The following ZC3HAV1 variants were observed in gnomAD, a reference collection of about 807,000 sequenced individuals.
ZC3HAV1 encodes the protein zinc finger CCCH-type antiviral protein 1.
A neutral mutation model predicts 86.6 loss-of-function variants in ZC3HAV1; 41 were observed. The observed-to-expected ratio is 0.47, with a 90% CI of 0.37 to 0.61. The LOEUF (loss-of-function observed/expected upper bound fraction) is 0.61. ZC3HAV1 is among the 20% of genes least tolerant of loss of function. The probability of loss-of-function intolerance (pLI) is 0.00; values close to 1 mark genes in which losing one functional copy is unlikely to be tolerated. For missense variants in ZC3HAV1, 964 were observed against 1,141.1 expected (o/e 0.84, Z 2.24); for synonymous variants, 421 against 432.1 (o/e 0.97, Z 0.32).
chr7:139,050,439 C>T (rs1816090122), intron 12 of ZC3HAV1, among the ~76,000 whole-genome samples: 1 of 152,134 alleles, frequency 6.6e-6, no homozygotes, highest in South Asian at 2.1e-4. Context: ...AGGATCTCAG[C>T]TCACTGCAGC....
At chr7:139,078,294 G>T (rs1475320291) in intron 5 of ZC3HAV1, among the ~76,000 whole-genome samples, 2 of 152,138 alleles carry the variant, frequency 1.3e-5, no homozygotes, top group Non-Finnish European at 2.9e-5. Flanking sequence ...AAGTGTTGGT[G>T]AGGATGTGGA....
chr7:139,081,321 T>A (rs1456280085), intron 3 of ZC3HAV1, among the ~76,000 whole-genome samples: 1 of 151,786 alleles, frequency 6.6e-6, no homozygotes, highest in Non-Finnish European at 1.5e-5. Context: ...AGAAGAGACA[T>A]TTTTTTTCTC....
chr7:139,088,538 C>T (rs983341847), intron 2 of ZC3HAV1, among the ~76,000 whole-genome samples: 11 of 152,124 alleles, frequency 7.2e-5, no homozygotes, highest in African/African-American at 1.7e-4. Flanking sequence ...TACACAGAGA[C>T]GGAAGCCACA....
chr7:139,104,552 A>G (rs1369888480), intron 1 of ZC3HAV1, among the ~76,000 whole-genome samples: 2 of 151,424 alleles, frequency 1.3e-5, no homozygotes, highest in South Asian at 2.1e-4. Flanking sequence ...CGTCTCTACT[A>G]AAATACAAAA....
intron 8 of ZC3HAV1, 122 bp downstream of exon 8, chr7:139,064,757 C>T (rs1816547482): frequency 1.3e-6 from 2 of 1,512,628 alleles, no homozygotes; most frequent in Admixed American, 1.9e-5. Context: ...CACTCCACCG[C>T]CTTGCTAAAT....
chr7:139,083,250 G>T (rs535754281), intron 3 of ZC3HAV1, among the ~76,000 whole-genome samples: 7 of 145,820 alleles, frequency 4.8e-5, no homozygotes, highest in Admixed American at 4.1e-4. Flanking sequence ...AAACCTGGGG[G>T]GGGGGGCAAT....
At chr7:139,057,886 AAAG>A (rs1208909646) in intron 9 of ZC3HAV1, among the ~76,000 whole-genome samples, 1 of 152,184 alleles carries the variant, frequency 6.6e-6, no homozygotes, top group African/African-American at 2.4e-5. Context: ...AAAACTCTTT[AAAG>A]AAGAAGGTGA....
At chr7:139,107,006 G>A in intron 1 of ZC3HAV1, among the ~76,000 whole-genome samples, 1 of 151,542 alleles carries the variant, frequency 6.6e-6, no homozygotes, top group East Asian at 1.9e-4. Flanking sequence ...TCCATAGTAA[G>A]AAATAAAAAA....
At chr7:139,098,234 C>T (rs138543932) in intron 1 of ZC3HAV1, among the ~76,000 whole-genome samples, 2 of 152,168 alleles carry the variant, frequency 1.3e-5, no homozygotes, top group East Asian at 1.9e-4. Context: ...CCATGGCGCC[C>T]GGCCTCCATA....
intron 7 of ZC3HAV1, among the ~76,000 whole-genome samples, chr7:139,070,674 A>AAC (rs965073909): frequency 1.4e-5 from 2 of 147,568 alleles, no homozygotes; most frequent in African/African-American, 5.1e-5. Context: ...AAAAAAAAAA[A>AAC]AAAAAAAAAC....
intron 3 of ZC3HAV1, among the ~76,000 whole-genome samples, chr7:139,082,391 G>T (rs1322870567): frequency 6.6e-6 from 1 of 151,568 alleles, no homozygotes; most frequent in Admixed American, 6.6e-5. Flanking sequence ...CATGTGCACT[G>T]CTGGCAGAAA....
chr7:139,099,689 G>T (rs1020602519), intron 1 of ZC3HAV1, among the ~76,000 whole-genome samples: 19 of 152,174 alleles, frequency 1.2e-4, no homozygotes, highest in African/African-American at 3.6e-4. Flanking sequence ...TACTTCGGGA[G>T]GCCCAGGAGG....
At chr7:139,107,901 G>A (rs1249422122) in intron 1 of ZC3HAV1, among the ~76,000 whole-genome samples, 1 of 152,238 alleles carries the variant, frequency 6.6e-6, no homozygotes, top group African/African-American at 2.4e-5. Context: ...GACAGAAAGG[G>A]TGGGAGGAAA....
intron 7 of ZC3HAV1, among the ~76,000 whole-genome samples, chr7:139,073,490 T>C (rs1816841545): frequency 6.6e-6 from 1 of 151,538 alleles, no homozygotes; most frequent in Non-Finnish European, 1.5e-5. Context: ...CTTTTTATTT[T>C]ATTTATTTAT....
chr7:139,059,630 A>T (rs74339105), intron 9 of ZC3HAV1, among the ~76,000 whole-genome samples: 6 of 151,784 alleles, frequency 4.0e-5, no homozygotes, highest in Non-Finnish European at 7.4e-5. Context: ...AAAAAAAAAA[A>T]TTTACTGAAA....
chr7:139,044,866 G>C lies in ZC3HAV1; in HGVS notation c.*2728C>G, dbSNP rs1815914615. 1 of 152,374 alleles carries C rather than the reference G, an allele frequency of 6.6e-6. No individual in the cohort carries two copies. The highest frequency in any genetic ancestry group is 2.1e-4 in the South Asian group (1 of 4,824). 9.4% of individuals were successfully genotyped at this position (152,374 alleles called of 1,614,324 possible). ...TGCATAGTATCTTTATTTCAATAAA[G>C]GTTATTTCGTTCTTTCTCTTATATA... On this transcript the variant is annotated 3_prime_UTR_variant, in exon 13 of 13. Coordinates refer to ENST00000242351, the MANE Select transcript of ZC3HAV1 (RefSeq NM_020119.4).
chr7:139,058,858 T>C (rs942913279), intron 9 of ZC3HAV1, among the ~76,000 whole-genome samples: 1 of 152,110 alleles, frequency 6.6e-6, no homozygotes, highest in Non-Finnish European at 1.5e-5. Context: ...TAGAAATACA[T>C]GTGCACAGAA....
chr7:139,100,046 A>T (rs948657922), intron 1 of ZC3HAV1, among the ~76,000 whole-genome samples: 2 of 152,088 alleles, frequency 1.3e-5, no homozygotes, highest in Non-Finnish European at 2.9e-5. Flanking sequence ...AAATAAAAAT[A>T]GTTTTAGCCA....
Position 139,053,584 on chromosome 7 carries a change from A to G in ZC3HAV1, c.2319-3T>C, listed in dbSNP as rs1167868203. ...CTTCCTTCATCTGCGATTTCTTCCT[A>G]ATATAAGAGATGTGAGACTTAACAC... is the stretch of plus-strand genomic sequence containing the variant. On this transcript the variant is annotated splice_polypyrimidine_tract_variant and splice_region_variant and intron_variant, in intron 11 of 12. Coordinates refer to ENST00000242351, the MANE Select transcript of ZC3HAV1 (RefSeq NM_020119.4). The G allele has an allele frequency of 2.5e-6, 4 of 1,589,712 alleles. No homozygotes were observed. The highest frequency in any genetic ancestry group is 3.4e-6 in the Non-Finnish European group (4 of 1,170,438).
Sources: allele counts gnomAD v4.1 joint callset (sites outside exome capture counted in the v4.1 genomes callset), GRCh38; gene constraint gnomAD v4.1.1; transcripts MANE v1.5; gene names NCBI Gene and HGNC (gene_info 2026-07-23, HGNC 2026-07-21).